The following MDFIC2 variants were observed in gnomAD, a reference collection of about 807,000 sequenced individuals.
MDFIC2 encodes the protein MyoD family inhibitor domain containing 2.
chr3:70,301,898 G>A (rs1702352214), intron 2 of MDFIC2, among the ~76,000 whole-genome samples: 1 of 152,046 alleles, frequency 6.6e-6, no homozygotes, highest in Admixed American at 6.6e-5. Context: ...TTTGATACGT[G>A]AAAGAGGAGT....
intron 2 of MDFIC2, among the ~76,000 whole-genome samples, chr3:70,224,008 C>T (rs961887723): frequency 6.6e-6 from 1 of 152,020 alleles, no homozygotes; most frequent in Non-Finnish European, 1.5e-5. Context: ...ACTGCAGTAT[C>T]TACAGTCTTT....
intron 3 of MDFIC2, among the ~76,000 whole-genome samples, chr3:70,202,958 C>G (rs1701256281): frequency 6.6e-6 from 1 of 152,088 alleles, no homozygotes; most frequent in Non-Finnish European, 1.5e-5. Context: ...GTCTTGCACT[C>G]CCTGATTCTG....
chr3:70,207,431 C>G (rs1701303297), intron 2 of MDFIC2, among the ~76,000 whole-genome samples: 1 of 151,936 alleles, frequency 6.6e-6, no homozygotes, highest in Non-Finnish European at 1.5e-5. Flanking sequence ...AACTGTCTGG[C>G]ACAATAGCTA....
chr3:70,289,802 C>G (rs913479287), intron 2 of MDFIC2, among the ~76,000 whole-genome samples: 5 of 152,050 alleles, frequency 3.3e-5, no homozygotes, highest in Non-Finnish European at 5.9e-5. Flanking sequence ...CGCTTCATTT[C>G]ATTCATTTCA....
chr3:70,292,398 A>G (rs892020908), intron 2 of MDFIC2, among the ~76,000 whole-genome samples: 1 of 152,206 alleles, frequency 6.6e-6, no homozygotes, highest in Non-Finnish European at 1.5e-5. Context: ...TGCCTGACAC[A>G]TAGTAAACTC....
At chr3:70,246,532 C>T (rs1157311198) in intron 2 of MDFIC2, among the ~76,000 whole-genome samples, 1 of 151,976 alleles carries the variant, frequency 6.6e-6, no homozygotes, top group African/African-American at 2.4e-5. Context: ...ACACGAGATG[C>T]ACAATTTAAT....
At chr3:70,250,699 C>A (rs887149152) in intron 2 of MDFIC2, among the ~76,000 whole-genome samples, 2 of 152,112 alleles carry the variant, frequency 1.3e-5, no homozygotes, top group Non-Finnish European at 2.9e-5. Flanking sequence ...ATACTAATAT[C>A]CAGAGTTTCC....
chr3:70,232,116 A>C (rs1701564986), intron 2 of MDFIC2, among the ~76,000 whole-genome samples: 1 of 152,162 alleles, frequency 6.6e-6, no homozygotes, highest in Admixed American at 6.5e-5. Flanking sequence ...ACACGGTGAC[A>C]CTGGCAGCGA....
chr3:70,289,156 G>A (rs1226441794), intron 2 of MDFIC2, among the ~76,000 whole-genome samples: 3 of 150,734 alleles, frequency 2.0e-5, no homozygotes, highest in Admixed American at 6.6e-5. Flanking sequence ...TCCTAGTCTC[G>A]ATGGTCTTTA....
At chr3:70,252,596 C>G (rs913402503) in intron 2 of MDFIC2, among the ~76,000 whole-genome samples, 1 of 152,080 alleles carries the variant, frequency 6.6e-6, no homozygotes, top group African/African-American at 2.4e-5. Context: ...AATGAGATAT[C>G]CATGGTAAAC....
At chr3:70,254,036 G>C (rs938232227) in intron 2 of MDFIC2, among the ~76,000 whole-genome samples, 1 of 152,114 alleles carries the variant, frequency 6.6e-6, no homozygotes, top group African/African-American at 2.4e-5. Context: ...TTATGAATCT[G>C]TACAGTTTGA....
At chr3:70,293,885 G>T (rs1702265096) in intron 2 of MDFIC2, among the ~76,000 whole-genome samples, 1 of 151,866 alleles carries the variant, frequency 6.6e-6, no homozygotes, top group Non-Finnish European at 1.5e-5. Context: ...TTATTTTTGT[G>T]TTACATGTTG....
intron 2 of MDFIC2, among the ~76,000 whole-genome samples, chr3:70,229,532 T>C (rs377046159): frequency 1.3e-5 from 2 of 152,186 alleles, no homozygotes; most frequent in South Asian, 2.1e-4. Flanking sequence ...CAGCAGGACA[T>C]AAAAATAGTT....
chr3:70,198,425 A>G (rs1294157324), intron 3 of MDFIC2, among the ~76,000 whole-genome samples: 1 of 152,140 alleles, frequency 6.6e-6, no homozygotes, highest in African/African-American at 2.4e-5. Flanking sequence ...CTTTTCTTTC[A>G]TTATTCATAT....
chr3:70,243,371 T>A (rs1347086442), intron 2 of MDFIC2, among the ~76,000 whole-genome samples: 4 of 152,290 alleles, frequency 2.6e-5, no homozygotes, highest in African/African-American at 9.6e-5. Flanking sequence ...TCCTGGGGTC[T>A]AGGTAATGAA....
intron 2 of MDFIC2, among the ~76,000 whole-genome samples, chr3:70,241,941 A>G (rs779638853): frequency 1.3e-5 from 2 of 152,218 alleles, no homozygotes; most frequent in African/African-American, 4.8e-5. Context: ...TCTAAACTGT[A>G]TAATAACATT....
intron 3 of MDFIC2, among the ~76,000 whole-genome samples, chr3:70,199,583 G>A (rs373681519): frequency 1.3e-5 from 2 of 152,080 alleles, no homozygotes; most frequent in East Asian, 3.9e-4. Context: ...GATCTTTCAA[G>A]TGAGTTCCAC....
intron 2 of MDFIC2, among the ~76,000 whole-genome samples, chr3:70,247,023 C>G (rs1197435921): frequency 2.0e-5 from 3 of 151,952 alleles, no homozygotes; most frequent in Non-Finnish European, 1.5e-5. Context: ...CTATCTGTTT[C>G]CATGACTACC....
chr3:70,255,624 G>T (rs1182698044), intron 2 of MDFIC2, among the ~76,000 whole-genome samples: 1 of 152,012 alleles, frequency 6.6e-6, no homozygotes, highest in Non-Finnish European at 1.5e-5. Context: ...ACCAAGCCTG[G>T]CTATTTTTTT....
Sources: allele counts gnomAD v4.1 joint callset (sites outside exome capture counted in the v4.1 genomes callset), GRCh38; gene constraint gnomAD v4.1.1; transcripts MANE v1.5; gene names NCBI Gene and HGNC (gene_info 2026-07-23, HGNC 2026-07-21).